Variants in TGFBI observed in about 807,000 individuals in gnomAD.
The protein encoded by TGFBI is transforming growth factor beta induced.
Under a neutral mutation model 73.7 loss-of-function variants are expected in TGFBI, and 50 were observed. That is an observed-to-expected ratio of 0.68 (90% CI 0.54 to 0.86). The LOEUF is 0.86. TGFBI is among the 40% of genes least tolerant of loss of function. The probability of loss-of-function intolerance (pLI) is 0.00; values close to 1 mark genes in which losing one functional copy is unlikely to be tolerated. For missense variants in TGFBI, 839 were observed against 877.0 expected (o/e 0.96, Z 0.55); for synonymous variants, 362 against 360.5 (o/e 1.00, Z -0.05).
intron 12 of TGFBI, among the ~76,000 whole-genome samples, chr5:136,058,061 C>T (rs959850603): frequency 2.6e-5 from 4 of 152,074 alleles, no homozygotes; most frequent in African/African-American, 4.8e-5. Context: ...GAGGTTGGTA[C>T]AGGTGTTAGA....
intron 2 of TGFBI, among the ~76,000 whole-genome samples, chr5:136,039,578 A>G (rs1751292982): frequency 6.6e-6 from 1 of 152,154 alleles, no homozygotes; most frequent in South Asian, 2.1e-4. Context: ...CCTGCTGTAA[A>G]GGGGATCCCC....
In TGFBI at chr5:136,044,137, C is replaced by T. The variant is rs370840238; in HGVS notation, c.298+15C>T. The T allele has an allele frequency of 2.1e-5, 33 of 1,609,548 alleles. No individual in the cohort carries two copies. Among genetic ancestry groups the T allele is most frequent in the South Asian group, 7.7e-5 (7 of 90,558 alleles). ...CTGTCCAGCAGGTGAATGAATCCTC[C>T]GGGCCTTGCCTGTTGGTGTGGGTGG... On this transcript the variant is annotated intron_variant, in intron 3 of 16. Transcript: ENST00000442011.
intron 2 of TGFBI, among the ~76,000 whole-genome samples, chr5:136,035,624 CAAA>C (rs1191524920): frequency 2.8e-5 from 2 of 71,824 alleles, no homozygotes; most frequent in African/African-American, 4.3e-5. Flanking sequence ...GACACCGTCT[CAAA>C]AAAAAAAAAA....
chr5:136,050,283 G>A (rs890874794), intron 7 of TGFBI, among the ~76,000 whole-genome samples: 5 of 148,940 alleles, frequency 3.4e-5, no homozygotes, highest in Non-Finnish European at 5.9e-5. Flanking sequence ...AGTGAGCCAA[G>A]CTTGCACCAC....
At chr5:136,049,997 C>G (rs1751505893) in intron 7 of TGFBI, among the ~76,000 whole-genome samples, 1 of 152,200 alleles carries the variant, frequency 6.6e-6, no homozygotes, top group Non-Finnish European at 1.5e-5. Flanking sequence ...CTATTCTTCT[C>G]TGTGGCTAGG....
chr5:136,039,005 A>G (rs997719170), intron 2 of TGFBI, among the ~76,000 whole-genome samples: 2 of 152,230 alleles, frequency 1.3e-5, no homozygotes, highest in African/African-American at 4.8e-5. Context: ...AGCAATGGGA[A>G]GCCAACACAG....
chr5:136,043,721 A>G (rs1751378413), intron 2 of TGFBI, among the ~76,000 whole-genome samples: 2 of 152,296 alleles, frequency 1.3e-5, no homozygotes, highest in South Asian at 4.1e-4. Flanking sequence ...AACACTCACC[A>G]TCGGCTTTCC....
chr5:136,040,975 A>T (rs1751322696), intron 2 of TGFBI, among the ~76,000 whole-genome samples: 1 of 152,252 alleles, frequency 6.6e-6, no homozygotes, highest in African/African-American at 2.4e-5. Flanking sequence ...GGCCACTGCC[A>T]GCCCAGAAAA....
intron 2 of TGFBI, 50 bp from the exon 3 acceptor site, chr5:136,044,008 G>A (rs1561608876): frequency 6.5e-7 from 1 of 1,526,826 alleles, no homozygotes; most frequent in East Asian, 2.3e-5. Context: ...GATGACCTGT[G>A]AGGAACAGTG....
chr5:136,033,143 A>T (rs1013102828), intron 1 of TGFBI, among the ~76,000 whole-genome samples: 4 of 152,136 alleles, frequency 2.6e-5, no homozygotes, highest in African/African-American at 9.7e-5. Flanking sequence ...TCCCCGCATC[A>T]CTTACAGGAA....
intron 12 of TGFBI, among the ~76,000 whole-genome samples, chr5:136,058,014 C>G (rs900005497): frequency 6.6e-6 from 1 of 152,108 alleles, no homozygotes; most frequent in Non-Finnish European, 1.5e-5. Context: ...ACACCCTCCC[C>G]CAGGCCTGAG....
At chr5:136,040,568 A>G (rs1751311611) in intron 2 of TGFBI, among the ~76,000 whole-genome samples, 1 of 152,194 alleles carries the variant, frequency 6.6e-6, no homozygotes, top group Non-Finnish European at 1.5e-5. Flanking sequence ...CATCTGGGGA[A>G]ATATTGTCTA....
chr5:136,054,967 G>A (rs1751602265), intron 10 of TGFBI, 106 bp downstream of exon 10: 3 of 1,339,640 alleles, frequency 2.2e-6, no homozygotes, highest in South Asian at 1.4e-5. Context: ...CATGAGAACT[G>A]GTTGCTGACA....
chr5:136,063,140 T>C, intron 16 of TGFBI, 46 bp from the exon 17 acceptor site: 2 of 1,575,978 alleles, frequency 1.3e-6, no homozygotes, highest in Non-Finnish European at 1.7e-6. Flanking sequence ...TAGACAGACA[T>C]GGGGAGATCT....
intron 7 of TGFBI, among the ~76,000 whole-genome samples, chr5:136,050,799 A>C (rs1751519988): frequency 1.3e-5 from 2 of 152,228 alleles, no homozygotes; most frequent in African/African-American, 4.8e-5. Context: ...GGGAAAGGGC[A>C]TATTTCTGAA....
At chr5:136,062,836 T>C (rs1751774963) in intron 16 of TGFBI, 149 bp downstream of exon 16, 2 of 841,966 alleles carry the variant, frequency 2.4e-6, no homozygotes. Context: ...GCAGGGTGAC[T>C]TGGGGTCAGA....
At chr5:136,039,163 C>G (rs968465886) in intron 2 of TGFBI, among the ~76,000 whole-genome samples, 1 of 152,216 alleles carries the variant, frequency 6.6e-6, no homozygotes, top group Non-Finnish European at 1.5e-5. Context: ...AGCTTCACAA[C>G]TGACCACTTA....
chr5:136,038,234 T>G (rs1375095959), intron 2 of TGFBI, among the ~76,000 whole-genome samples: 1 of 152,234 alleles, frequency 6.6e-6, no homozygotes, highest in African/African-American at 2.4e-5. Flanking sequence ...ATGTGCCACC[T>G]GGGGTAAGAC....
At position 136,053,013 on chromosome 5, in the gene TGFBI, C is replaced by T. The variant is rs753020018; in HGVS notation, c.1020C>T (p.Ser340=). 1.8e-5 allele frequency: 29 copies of T among 1,614,010 alleles called. No individual in the cohort carries two copies. The highest frequency in any genetic ancestry group is 1.1e-4 in the South Asian group (10 of 91,074). Residue 340 remains serine (S), a synonymous_variant, in exon 8 of 17, where the codon AGC becomes AGT. Transcript: ENST00000442011. ...GCACGACACTGGAGGTGGGCTGCAG[C>T]GGGGACATGCTCACTATCAACGGGA... ...LEGTTLEVGC[S]GDMLTINGKA...
Sources: allele counts gnomAD v4.1 joint callset (sites outside exome capture counted in the v4.1 genomes callset), GRCh38; gene constraint gnomAD v4.1.1; transcripts MANE v1.5; gene names NCBI Gene and HGNC (gene_info 2026-07-23, HGNC 2026-07-21).